Variants in MGAT4C observed in about 807,000 individuals in gnomAD.
MGAT4C encodes the protein alpha-1,3-mannosyl-glycoprotein 4-beta-N-acetylglucosaminyltransferase C.
A neutral mutation model predicts 40.1 loss-of-function variants in MGAT4C; 19 were observed. That is an observed-to-expected ratio of 0.47 (90% CI 0.33 to 0.70). MGAT4C has a LOEUF of 0.70. Ranked by LOEUF, MGAT4C falls within the 30% of genes least tolerant of loss-of-function variation. The pLI is 0.02. For missense variants in MGAT4C, 491 were observed against 563.2 expected (o/e 0.87, Z 1.30); for synonymous variants, 181 against 187.1 (o/e 0.97, Z 0.27).
rs148137046 is a variant in MGAT4C, at chr12:86,651,110, G to A, written c.-229+76099C>T. 6.5e-3 allele frequency among the ~76,000 whole-genome samples: 992 copies of A among 151,916 alleles called. 9 individuals are homozygous for A. Among genetic ancestry groups the A allele is most frequent in the Non-Finnish European group, 0.012 (787 of 67,850 alleles). ...TAAAGTGTAGTTGGTGGCATTTAAC[G>A]TTCTAATTATATGTAATAAGATACG... On this transcript the variant is annotated intron_variant, in intron 2 of 7. Transcript: ENST00000548651.
chr12:86,531,801 G>A (rs1418055496), intron 2 of MGAT4C, among the ~76,000 whole-genome samples: 8 of 151,476 alleles, frequency 5.3e-5, no homozygotes, highest in Admixed American at 3.3e-4. Context: ...ATACTTAACT[G>A]TTAATATTTT....
intron 1 of MGAT4C, among the ~76,000 whole-genome samples, chr12:86,732,556 C>T (rs564496607): frequency 1.3e-5 from 2 of 152,160 alleles, no homozygotes; most frequent in South Asian, 2.1e-4. Flanking sequence ...CGTGTGCAAC[C>T]TATATCCCTT....
intron 2 of MGAT4C, among the ~76,000 whole-genome samples, chr12:86,456,056 G>A (rs1308278100): frequency 6.6e-6 from 1 of 152,078 alleles, no homozygotes; most frequent in Non-Finnish European, 1.5e-5. Context: ...GCATGAGAAA[G>A]TGTTTTAATA....
intron 1 of MGAT4C, among the ~76,000 whole-genome samples, chr12:86,244,054 T>A (rs934405787): frequency 1.3e-5 from 2 of 152,032 alleles, no homozygotes; most frequent in African/African-American, 4.8e-5. Context: ...GGTAAAAAAG[T>A]GAATTAAGAT....
At chr12:86,645,301 AATTAAAATTTT>A (rs769037137) in intron 2 of MGAT4C, among the ~76,000 whole-genome samples, 1 of 151,732 alleles carries the variant, frequency 6.6e-6, no homozygotes, top group Non-Finnish European at 1.5e-5. Flanking sequence ...CCTTCTGAAA[AATTAAAATTTT>A]ATTCTACTGA....
chr12:86,809,388 GAAGAT>G (rs1215485390), intron 1 of MGAT4C, among the ~76,000 whole-genome samples: 1 of 151,876 alleles, frequency 6.6e-6, no homozygotes, highest in Non-Finnish European at 1.5e-5. Flanking sequence ...GTTTTTTTGA[GAAGAT>G]AAGTTTTCAA....
At chr12:86,796,030 C>G (rs1952110556) in intron 1 of MGAT4C, among the ~76,000 whole-genome samples, 1 of 151,928 alleles carries the variant, frequency 6.6e-6, no homozygotes, top group South Asian at 2.1e-4. Flanking sequence ...TACACGCTTT[C>G]TTAAATATCC....
intron 1 of MGAT4C, among the ~76,000 whole-genome samples, chr12:86,215,646 G>A (rs1361322644): frequency 6.6e-6 from 1 of 152,020 alleles, no homozygotes; most frequent in African/African-American, 2.4e-5. Flanking sequence ...TGTTCACGTT[G>A]CTGTGGGGAG....
chr12:86,643,607 A>G lies in MGAT4C; in HGVS notation c.-229+83602T>C, dbSNP rs558883781. ...CTACACACAAAAGGCTAATCATTTT[A>G]TGATTATATTTTTATGAAGTGTCCA... On this transcript the variant is annotated intron_variant, in intron 2 of 7. Coordinates refer to the MGAT4C transcript ENST00000548651. Among the ~76,000 whole-genome samples the G allele has an allele frequency of 2.0e-5, 3 of 151,998 alleles. No individual in the cohort carries two copies. In the South Asian group the frequency reaches 6.2e-4, roughly 31 times the overall value.
intron 1 of MGAT4C, among the ~76,000 whole-genome samples, chr12:86,190,881 G>T (rs1889321425): frequency 6.6e-6 from 1 of 151,900 alleles, no homozygotes; most frequent in Non-Finnish European, 1.5e-5. Context: ...TGTTTTAAAA[G>T]CAAAAACCGA....
At chr12:86,521,919 T>C (rs1958801672) in intron 2 of MGAT4C, among the ~76,000 whole-genome samples, 1 of 152,098 alleles carries the variant, frequency 6.6e-6, no homozygotes, top group Admixed American at 6.5e-5. Context: ...GTTGTTGTAG[T>C]GTAGGAATGC....
intron 2 of MGAT4C, among the ~76,000 whole-genome samples, chr12:86,588,159 GC>G (rs1565868479): frequency 6.6e-6 from 1 of 151,592 alleles, no homozygotes; most frequent in Non-Finnish European, 1.5e-5. Flanking sequence ...TTAGCATGAA[GC>G]ATTGTTGAAT....
chr12:86,352,530 T>C (rs1204946316), intron 3 of MGAT4C, among the ~76,000 whole-genome samples: 2 of 152,182 alleles, frequency 1.3e-5, no homozygotes, highest in Non-Finnish European at 2.9e-5. Flanking sequence ...CAATTAACAA[T>C]GTATCTTGGA....
At chr12:86,044,897 G>T (rs1426182894) in intron 2 of MGAT4C, among the ~76,000 whole-genome samples, 1 of 152,146 alleles carries the variant, frequency 6.6e-6, no homozygotes, top group Non-Finnish European at 1.5e-5. Context: ...GCTAGCTCAA[G>T]TGTCCATGGG....
intron 4 of MGAT4C, among the ~76,000 whole-genome samples, chr12:85,982,790 C>T (rs889739646): frequency 6.6e-6 from 1 of 152,030 alleles, no homozygotes; most frequent in Non-Finnish European, 1.5e-5. Flanking sequence ...AGTTAAGGAT[C>T]TTGAGCTGCA....
chr12:86,582,233 T>C (rs564270221), intron 2 of MGAT4C, among the ~76,000 whole-genome samples: 1 of 151,596 alleles, frequency 6.6e-6, no homozygotes, highest in East Asian at 1.9e-4. Flanking sequence ...CATCTGCTGA[T>C]AACAACAACA....
intron 1 of MGAT4C, among the ~76,000 whole-genome samples, chr12:86,195,216 G>T (rs1268942713): frequency 6.6e-6 from 1 of 152,148 alleles, no homozygotes; most frequent in Non-Finnish European, 1.5e-5. Flanking sequence ...GCACTGCTTG[G>T]TATAATTCTT....
intron 4 of MGAT4C, among the ~76,000 whole-genome samples, chr12:86,294,390 T>C (rs756377884): frequency 2.6e-5 from 4 of 152,272 alleles, no homozygotes; most frequent in Non-Finnish European, 5.9e-5. Flanking sequence ...AAATCCTTGC[T>C]TTTATCACTC....
At chr12:86,147,849 G>A (rs1001304602) in intron 1 of MGAT4C, among the ~76,000 whole-genome samples, 7 of 152,094 alleles carry the variant, frequency 4.6e-5, no homozygotes, top group Non-Finnish European at 8.8e-5. Context: ...ATGATATATA[G>A]GTAAGGGATC....
Sources: gnomAD v4.1 joint callset for allele counts (sites outside exome capture counted in the v4.1 genomes callset) on GRCh38, gnomAD v4.1.1 for gene constraint, MANE v1.5 for transcripts, NCBI Gene and HGNC (gene_info 2026-07-23, HGNC 2026-07-21) for gene names.